PARD3: variants seen among roughly 807,000 people sequenced by gnomAD.
PARD3 encodes par-3 family cell polarity regulator, also known as partitioning defective 3 homolog.
PARD3 carries 75 observed loss-of-function variants against 155.4 expected under a neutral mutation model. The observed-to-expected ratio is 0.48, with a 90% CI of 0.40 to 0.58. The LOEUF is 0.58. Ranked by LOEUF, PARD3 falls within the 20% of genes least tolerant of loss-of-function variation. The pLI is 0.00. For missense variants in PARD3, 1,642 were observed against 1,721.7 expected (o/e 0.95, Z 0.82); for synonymous variants, 576 against 610.5 (o/e 0.94, Z 0.83).
chr10:34,210,650 T>C (rs1951701385), intron 22 of PARD3, among the ~76,000 whole-genome samples: 2 of 152,144 alleles, frequency 1.3e-5, no homozygotes. Context: ...CTCAGACTAT[T>C]CAACAAGAGT....
intron 22 of PARD3, among the ~76,000 whole-genome samples, chr10:34,221,830 TTG>T (rs1401689227): frequency 2.0e-5 from 3 of 152,202 alleles, no homozygotes; most frequent in Non-Finnish European, 4.4e-5. Context: ...TAGTTTTGTG[TTG>T]TGTTTCACCA....
chr10:34,360,940 GAAGA>G (rs1037353610), intron 12 of PARD3, among the ~76,000 whole-genome samples: 2 of 152,162 alleles, frequency 1.3e-5, no homozygotes, highest in Non-Finnish European at 2.9e-5. Flanking sequence ...AGCATAGAAG[GAAGA>G]CTTTTTAAAA....
chr10:34,150,527 T>A (rs1454020932), intron 22 of PARD3, among the ~76,000 whole-genome samples: 1 of 152,206 alleles, frequency 6.6e-6, no homozygotes, highest in Non-Finnish European at 1.5e-5. Context: ...GGCTTGCTCA[T>A]GAAGTCGGGA....
chr10:34,776,703 G>T (rs554428774), intron 1 of PARD3, among the ~76,000 whole-genome samples: 1 of 151,980 alleles, frequency 6.6e-6, no homozygotes, highest in South Asian at 2.1e-4. Context: ...CTTCAAACTA[G>T]TGAAGGAACA....
At chr10:34,668,488 CA>C (rs2093544962) in intron 2 of PARD3, among the ~76,000 whole-genome samples, 1 of 152,116 alleles carries the variant, frequency 6.6e-6, no homozygotes, top group Non-Finnish European at 1.5e-5. Context: ...CAAGAGAGTT[CA>C]AAATCCAGGA....
chr10:34,784,528 C>G (rs1008965972), intron 1 of PARD3, among the ~76,000 whole-genome samples: 2 of 151,958 alleles, frequency 1.3e-5, no homozygotes, highest in Admixed American at 6.6e-5. Flanking sequence ...CAACCTCTGC[C>G]TCCCAGGTTC....
chr10:34,655,387 A>G (rs932968493), intron 2 of PARD3, among the ~76,000 whole-genome samples: 3 of 152,186 alleles, frequency 2.0e-5, no homozygotes, highest in Non-Finnish European at 4.4e-5. Flanking sequence ...ACACACAATA[A>G]GCACTGCCCT....
In PARD3 at chr10:34,275,377, G is replaced by A. The variant is rs541822268; in HGVS notation, c.3177-5478C>T. ...AGAACTACTGCCGCAAAAGGCTAAC[G>A]GATCTGGTCAGTAGCCTGAACTAAT... On this transcript the variant is annotated intron_variant, in intron 21 of 24. Transcript: ENST00000374788. 1.1e-4 allele frequency among the ~76,000 whole-genome samples: 17 copies of A among 152,280 alleles called. No homozygotes were observed. The South Asian group carries it at 1.7e-3, about 15-fold the overall frequency.
At chr10:34,332,053 A>G (rs1835675031) in intron 18 of PARD3, among the ~76,000 whole-genome samples, 1 of 152,204 alleles carries the variant, frequency 6.6e-6, no homozygotes, top group Admixed American at 6.5e-5. Flanking sequence ...GAGTACTTCT[A>G]TCTCTAGGCC....
intron 3 of PARD3, among the ~76,000 whole-genome samples, chr10:34,513,785 G>A (rs936487476): frequency 1.4e-4 from 22 of 152,170 alleles, no homozygotes; most frequent in Admixed American, 1.3e-4. Context: ...TGGCACTACT[G>A]ACATCTGGGC....
chr10:34,286,142 C>A (rs1420613987), intron 20 of PARD3, among the ~76,000 whole-genome samples: 2 of 152,066 alleles, frequency 1.3e-5, no homozygotes, highest in African/African-American at 2.4e-5. Flanking sequence ...TAATGATGGG[C>A]TTTACAGAAT....
intron 19 of PARD3, 119 bp downstream of exon 19, chr10:34,330,998 C>G (rs1256259824): frequency 4.4e-6 from 3 of 689,460 alleles, no homozygotes; most frequent in Non-Finnish European, 4.9e-6. Context: ...GATTATTAGA[C>G]CTCAGAGATC....
intron 22 of PARD3, among the ~76,000 whole-genome samples, chr10:34,208,672 A>G (rs1809379062): frequency 6.6e-6 from 1 of 152,172 alleles, no homozygotes; most frequent in Non-Finnish European, 1.5e-5. Context: ...AGAACTGCTC[A>G]TGCAGGGTGA....
intron 7 of PARD3, among the ~76,000 whole-genome samples, chr10:34,398,601 G>A (rs1457283021): frequency 2.6e-5 from 4 of 152,132 alleles, no homozygotes; most frequent in Non-Finnish European, 4.4e-5. Flanking sequence ...GAAAGGATGC[G>A]GTGCACCTCA....
chr10:34,362,449 T>C (rs181945086), intron 12 of PARD3, among the ~76,000 whole-genome samples: 9 of 152,354 alleles, frequency 5.9e-5, no homozygotes, highest in African/African-American at 1.9e-4. Flanking sequence ...TAAACATGAA[T>C]ATTCAATATA....
At chr10:34,227,878 A>G (rs1236358741) in intron 22 of PARD3, among the ~76,000 whole-genome samples, 2 of 137,944 alleles carry the variant, frequency 1.4e-5, no homozygotes, top group Non-Finnish European at 3.1e-5. Flanking sequence ...ATATATATAT[A>G]TATATACTGG....
Position 34,476,778 on chromosome 10 carries a change from T to C in PARD3, c.404-6515A>G, listed in dbSNP as rs540297821. Among the ~76,000 whole-genome samples, 22 of 152,250 alleles carry C rather than the reference T, an allele frequency of 1.4e-4. No homozygotes were observed. The South Asian group carries it at 2.1e-3, about 14-fold the overall frequency. ...CACTGCAAAGCAGTCTCAGCAGCCA[T>C]GCTCAGGGTAACTCCCAACAGGTCA... On this transcript the variant is annotated intron_variant, in intron 3 of 24. Coordinates refer to ENST00000374788, the MANE Select transcript of PARD3 (RefSeq NM_001184785.2).
intron 1 of PARD3, among the ~76,000 whole-genome samples, chr10:34,804,031 T>A (rs1843088197): frequency 7.7e-6 from 1 of 129,906 alleles, no homozygotes. Context: ...CTTGATTTGT[T>A]TTTGTTTTTT....
intron 5 of PARD3, among the ~76,000 whole-genome samples, chr10:34,426,460 A>G (rs2075611617): frequency 6.6e-6 from 1 of 152,012 alleles, no homozygotes; most frequent in South Asian, 2.1e-4. Context: ...TTTTTGTAGA[A>G]AAGAGATAAG....
Sources: gnomAD v4.1 joint callset for allele counts (sites outside exome capture counted in the v4.1 genomes callset) on GRCh38, gnomAD v4.1.1 for gene constraint, MANE v1.5 for transcripts, NCBI Gene and HGNC (gene_info 2026-07-23, HGNC 2026-07-21) for gene names.